Variants in CNTN4 observed in about 807,000 individuals in gnomAD.
CNTN4 encodes contactin 4.
In CNTN4, 77 loss-of-function variants were observed where a neutral mutation model predicts 122.5. The observed-to-expected ratio is 0.63, with a 90% CI of 0.52 to 0.76. The LOEUF (loss-of-function observed/expected upper bound fraction) is 0.76. Ranked by LOEUF, CNTN4 falls within the 30% of genes least tolerant of loss-of-function variation. CNTN4 has a pLI of 0.00. For synonymous variants in CNTN4, 512 were observed against 447.0 expected, an observed-to-expected ratio of 1.15 and a Z score of -1.83; for missense variants, 1,256 against 1,259.1, an observed-to-expected ratio of 1.00 and a Z score of 0.04.
intron 3 of CNTN4, among the ~76,000 whole-genome samples, chr3:2,452,297 A>G (rs1411340984): frequency 6.6e-6 from 1 of 152,172 alleles, no homozygotes; most frequent in African/African-American, 2.4e-5. Context: ...AGCCCCAGCA[A>G]TATATAAAGT....
intron 2 of CNTN4, among the ~76,000 whole-genome samples, chr3:2,306,474 C>T (rs1382259192): frequency 6.6e-6 from 1 of 151,956 alleles, no homozygotes; most frequent in Non-Finnish European, 1.5e-5. Flanking sequence ...AAATTTTTGT[C>T]TATTTTTTAA....
At chr3:3,055,993 A>T (rs972866802) in intron 24 of CNTN4, 127 bp from the exon 25 acceptor site, 3 of 672,090 alleles carry the variant, frequency 4.5e-6, no homozygotes, top group Non-Finnish European at 7.8e-6. Context: ...TTTAAAAGCC[A>T]TTAAGACCTT....
intron 2 of CNTN4, among the ~76,000 whole-genome samples, chr3:2,144,824 A>G (rs996723983): frequency 6.6e-6 from 1 of 152,222 alleles, no homozygotes; most frequent in Admixed American, 6.5e-5. Flanking sequence ...TAAGAGAAAA[A>G]TCTGCCCAGA....
At chr3:2,313,667 T>C (rs924053820) in intron 2 of CNTN4, among the ~76,000 whole-genome samples, 12 of 152,014 alleles carry the variant, frequency 7.9e-5, no homozygotes, top group African/African-American at 2.4e-4. Flanking sequence ...CCCAACTATA[T>C]GTTTGATATA....
chr3:2,897,309 T>C (rs181671972), intron 10 of CNTN4, among the ~76,000 whole-genome samples: 6 of 152,146 alleles, frequency 3.9e-5, no homozygotes, highest in Non-Finnish European at 8.8e-5. Context: ...TTGAGAACAA[T>C]ACTTAAGGAG....
chr3:2,114,088 T>C (rs1362923566), intron 2 of CNTN4, among the ~76,000 whole-genome samples: 1 of 152,086 alleles, frequency 6.6e-6, no homozygotes, highest in African/African-American at 2.4e-5. Flanking sequence ...TTCATCGAGA[T>C]GATGGGAAAG....
intron 2 of CNTN4, among the ~76,000 whole-genome samples, chr3:2,288,780 AGTTTT>A (rs2042032410): frequency 6.6e-6 from 1 of 152,180 alleles, no homozygotes. Context: ...AAACAATACA[AGTTTT>A]GTTTTGTTGG....
At chr3:2,141,246 A>G (rs1240143340) in intron 2 of CNTN4, among the ~76,000 whole-genome samples, 1 of 152,194 alleles carries the variant, frequency 6.6e-6, no homozygotes, top group Non-Finnish European at 1.5e-5. Flanking sequence ...TGCCAATATG[A>G]TGAAGGTAAG....
At chr3:2,989,439 C>T (rs1262214109) in intron 14 of CNTN4, among the ~76,000 whole-genome samples, 1 of 151,738 alleles carries the variant, frequency 6.6e-6, no homozygotes, top group Non-Finnish European at 1.5e-5. Flanking sequence ...TTGTAGTTCC[C>T]TTGGTGAAGA....
intron 3 of CNTN4, among the ~76,000 whole-genome samples, chr3:2,533,326 T>C (rs2077670853): frequency 6.6e-6 from 1 of 151,916 alleles, no homozygotes; most frequent in Non-Finnish European, 1.5e-5. Context: ...ATGTTCCTTT[T>C]CCCGTGTCCA....
At chr3:2,125,006 A>G (rs1403300790) in intron 2 of CNTN4, among the ~76,000 whole-genome samples, 1 of 152,128 alleles carries the variant, frequency 6.6e-6, no homozygotes, top group Non-Finnish European at 1.5e-5. Flanking sequence ...TAAGTGCATA[A>G]AACAGTGTTG....
At chr3:2,664,911 G>C (rs1235192671) in intron 4 of CNTN4, among the ~76,000 whole-genome samples, 1 of 152,108 alleles carries the variant, frequency 6.6e-6, no homozygotes, top group African/African-American at 2.4e-5. Context: ...AGTGGGTTTG[G>C]CTTCATTAAT....
At position 2,563,856 on chromosome 3, in the gene CNTN4, G is replaced by A. The variant is rs560324457; in HGVS notation, c.-88-7560G>A. On this transcript the variant is annotated intron_variant, in intron 3 of 24. Transcript: ENST00000418658. The stretch of plus-strand genomic sequence containing the variant: ...ATAGAATGTTTAGGATGAATTTGTG[G>A]TATATACTTAGAAACCTGTTATTAA... Among the ~76,000 whole-genome samples, 35 of 151,956 alleles carry A rather than the reference G, an allele frequency of 2.3e-4. No individual in the cohort carries two copies. The South Asian group carries it at 7.1e-3, about 31-fold the overall frequency.
chr3:2,168,383 T>G (rs1448536619), intron 2 of CNTN4, among the ~76,000 whole-genome samples: 1 of 152,138 alleles, frequency 6.6e-6, no homozygotes, highest in Admixed American at 6.6e-5. Flanking sequence ...TGGAAATCAA[T>G]TATACTATGA....
intron 14 of CNTN4, among the ~76,000 whole-genome samples, chr3:3,025,150 A>G (rs1215421091): frequency 2.0e-5 from 3 of 152,158 alleles, no homozygotes; most frequent in African/African-American, 7.2e-5. Flanking sequence ...ATAAGGCACT[A>G]TGGGTGTGAA....
At chr3:2,164,033 G>A (rs1435867526) in intron 2 of CNTN4, among the ~76,000 whole-genome samples, 1 of 152,108 alleles carries the variant, frequency 6.6e-6, no homozygotes, top group Non-Finnish European at 1.5e-5. Context: ...GAAAGGGTAG[G>A]AGGTGGATGG....
intron 12 of CNTN4, among the ~76,000 whole-genome samples, chr3:2,924,187 C>T (rs746408423): frequency 6.6e-5 from 10 of 151,944 alleles, no homozygotes; most frequent in Non-Finnish European, 1.3e-4. Context: ...AGGCAGTTAC[C>T]GAAAGTATTT....
At chr3:2,141,870 A>C (rs970085141) in intron 2 of CNTN4, among the ~76,000 whole-genome samples, 4 of 152,150 alleles carry the variant, frequency 2.6e-5, no homozygotes, top group African/African-American at 9.7e-5. Context: ...TGACAGTTGC[A>C]TCCATTTTAT....
intron 4 of CNTN4, among the ~76,000 whole-genome samples, chr3:2,622,307 A>G (rs191520255): frequency 5.3e-5 from 8 of 152,330 alleles, no homozygotes; most frequent in South Asian, 2.1e-4. Context: ...CTGCCAGAGT[A>G]GCATTACTAG....
Sources: allele counts gnomAD v4.1 joint callset (sites outside exome capture counted in the v4.1 genomes callset), GRCh38; gene constraint gnomAD v4.1.1; transcripts MANE v1.5; gene names NCBI Gene and HGNC (gene_info 2026-07-23, HGNC 2026-07-21).